The following HSPBAP1 variants were observed in gnomAD, a reference collection of about 807,000 sequenced individuals.
HSPBAP1 encodes HSPB1 associated protein 1, also known as HSPB1-associated protein 1.
In HSPBAP1, 27 loss-of-function variants were observed where a neutral mutation model predicts 45.2. That is an observed-to-expected ratio of 0.60 (90% CI 0.44 to 0.82). The LOEUF is 0.82. HSPBAP1 is among the 40% of genes least tolerant of loss of function. The probability of loss-of-function intolerance (pLI) is 0.00; values close to 1 mark genes in which losing one functional copy is unlikely to be tolerated. For synonymous variants in HSPBAP1, 204 were observed against 202.7 expected, an observed-to-expected ratio of 1.01 and a Z score of -0.06; for missense variants, 510 against 590.9, an observed-to-expected ratio of 0.86 and a Z score of 1.42.
intron 6 of HSPBAP1, among the ~76,000 whole-genome samples, chr3:122,748,329 T>C (rs1297767369): frequency 6.6e-6 from 1 of 151,124 alleles, no homozygotes; most frequent in Non-Finnish European, 1.5e-5. Flanking sequence ...ACTATTGTCC[T>C]ATGACCCTGC....
At chr3:122,776,778 C>T (rs1935205536) in intron 2 of HSPBAP1, among the ~76,000 whole-genome samples, 1 of 152,146 alleles carries the variant, frequency 6.6e-6, no homozygotes, top group African/African-American at 2.4e-5. Context: ...CTACACCTGT[C>T]ACAGGAGTAC....
intron 3 of HSPBAP1, 152 bp downstream of exon 3, chr3:122,768,549 C>T: frequency 1.7e-6 from 1 of 603,788 alleles, no homozygotes; most frequent in Non-Finnish European, 3.0e-6. Flanking sequence ...TTCTCTTCAG[C>T]AAATCTTTTG....
chr3:122,760,778 A>G (rs1455604570), intron 3 of HSPBAP1, among the ~76,000 whole-genome samples: 1 of 152,188 alleles, frequency 6.6e-6, no homozygotes, highest in African/African-American at 2.4e-5. Flanking sequence ...TACCTGGCTC[A>G]GGGTTACAGC....
chr3:122,761,491 C>T (rs1560131773), intron 3 of HSPBAP1: 1 of 152,178 alleles, frequency 6.6e-6, no homozygotes, highest in Non-Finnish European at 1.5e-5. Flanking sequence ...AACTGTCAGC[C>T]AGGTGCAGTG....
chr3:122,740,944 G>C, intron 7 of HSPBAP1, 59 bp downstream of exon 7: 1 of 1,606,664 alleles, frequency 6.2e-7, no homozygotes, highest in Non-Finnish European at 8.5e-7. Context: ...ATATGTTCTA[G>C]TCAGGGCTGG....
chr3:122,740,360 T>C lies in HSPBAP1; in HGVS notation c.1452A>G (p.Gln484=). The change falls in exon 8 of 8, where the codon CAA becomes CAG. Residue 484 remains glutamine (Q), a synonymous_variant. Transcript: ENST00000306103. ...TCCACTTGAATCATAAACTTCTTCCTTGTATCAAAAGTTGTGCCACTATCC... is the reference window on the plus strand; with the variant it reads ...TCCACTTGAATCATAAACTTCTTCCCTGTATCAAAAGTTGTGCCACTATCC... ...VTRIVAQLLI[Q]GRSL The C allele has an allele frequency of 6.2e-7, 1 of 1,600,810 alleles. No homozygotes were observed. Among genetic ancestry groups the C allele is most frequent in the Non-Finnish European group, 8.5e-7 (1 of 1,169,938 alleles).
At chr3:122,788,472 A>G (rs991604298) in intron 1 of HSPBAP1, among the ~76,000 whole-genome samples, 1 of 152,218 alleles carries the variant, frequency 6.6e-6, no homozygotes, top group African/African-American at 2.4e-5. Flanking sequence ...AGTATTCTAC[A>G]GTAAGGTCTT....
chr3:122,774,980 A>C (rs1935139163), intron 2 of HSPBAP1, among the ~76,000 whole-genome samples: 1 of 152,248 alleles, frequency 6.6e-6, no homozygotes, highest in African/African-American at 2.4e-5. Context: ...TGTTCACTAC[A>C]GTCTTTTTAA....
Position 122,759,311 on chromosome 3 carries a change from C to A in HSPBAP1, c.482G>T (p.Ser161Ile). Residue 161 changes from serine (S) to isoleucine (I), a missense_variant, in exon 4 of 8, where the codon AGT becomes ATT. Coordinates refer to ENST00000306103, the MANE Select transcript of HSPBAP1 (RefSeq NM_024610.6). ...TCCCAAGGAGCCAATCCACAATGTA[C>A]TTTCCTGTCCATTTCTTCCAGGAAA... ...FGFPGRNGQE[S>I]TLWIGSLGAH... is the part of the protein sequence containing the mutation. 1 of 1,613,954 alleles carries A rather than the reference C, an allele frequency of 6.2e-7. No individual in the cohort carries two copies. Among genetic ancestry groups the A allele is most frequent in the Non-Finnish European group, 8.5e-7 (1 of 1,179,866 alleles).
chr3:122,740,771 C>G lies in HSPBAP1; in HGVS notation c.1041G>C (p.Leu347=). Residue 347 remains leucine, a synonymous_variant, in exon 8 of 8, where the codon CTG becomes CTC. Transcript: ENST00000306103. The part of the protein sequence containing the change: ...RTSEVVEIQA[L]RTDGEHMKKE... Reference sequence around the variant, plus strand: ...TTTTCATGTGCTCTCCATCTGTTCTCAGTGCTTGGATTTCTACTACCTCAG... The same window carrying G: ...TTTTCATGTGCTCTCCATCTGTTCTGAGTGCTTGGATTTCTACTACCTCAG... 6.2e-7 allele frequency: 1 copy of G among 1,614,118 alleles called. No homozygotes were observed.
At chr3:122,778,780 T>C (rs1386244877) in intron 1 of HSPBAP1, among the ~76,000 whole-genome samples, 2 of 152,278 alleles carry the variant, frequency 1.3e-5, no homozygotes, top group Non-Finnish European at 2.9e-5. Flanking sequence ...TCCACCTGCC[T>C]TGGCCTCCCA....
At chr3:122,758,892 T>A (rs1934451566) in intron 4 of HSPBAP1, 1 of 269,400 alleles carries the variant, frequency 3.7e-6, no homozygotes. Context: ...TGTCTCTAAT[T>A]TACCAAAAAA....
intron 5 of HSPBAP1, 141 bp from the exon 6 acceptor site, chr3:122,752,815 G>C: frequency 7.2e-7 from 1 of 1,388,202 alleles, no homozygotes. Flanking sequence ...AGTAAAGTAA[G>C]AAAAAAAACC....
At chr3:122,760,860 A>C (rs1934556758) in intron 3 of HSPBAP1, among the ~76,000 whole-genome samples, 2 of 152,192 alleles carry the variant, frequency 1.3e-5, no homozygotes, top group African/African-American at 4.8e-5. Context: ...AGTTCAGGCC[A>C]ATGACATTTT....
At position 122,740,784 on chromosome 3, in the gene HSPBAP1, T is replaced by G; in HGVS notation, c.1028A>C (p.Glu343Ala). The change falls in exon 8 of 8, where the codon GAA (glutamate) becomes GCA (alanine). Residue 343 changes from glutamate to alanine, a missense_variant. Transcript: ENST00000306103. ...TCCATCTGTTCTCAGTGCTTGGATT[T>G]CTACTACCTCAGATGTTCTGCAGCG... ...FDRCRTSEVV[E>A]IQALRTDGEH... The G allele has an allele frequency of 1.2e-6, 2 of 1,614,128 alleles. No individual in the cohort carries two copies. The highest frequency in any genetic ancestry group is 2.2e-5 in the South Asian group (2 of 91,088).
At position 122,793,482 on chromosome 3, in the gene HSPBAP1, G is replaced by T. The variant is rs1935900663; in HGVS notation, c.64+135C>A. ...AATGCCACGCTCACTAGAAAATATA[G>T]ATTTTTCTTCATAGTCTAATGCAAG... is the stretch of plus-strand genomic sequence containing the variant. On this transcript the variant is annotated intron_variant, in intron 1 of 7. Transcript: ENST00000306103. The T allele has an allele frequency of 4.1e-5, 29 of 713,344 alleles. 1 individual carries two copies. In the South Asian group the frequency reaches 4.6e-4, roughly 11 times the overall value. 44.2% of individuals were successfully genotyped at this position (713,344 alleles called of 1,614,324 possible).
chr3:122,780,359 G>C, intron 1 of HSPBAP1, among the ~76,000 whole-genome samples: 1 of 115,742 alleles, frequency 8.6e-6, no homozygotes, highest in Admixed American at 8.6e-5. Context: ...CCTCCCGGAC[G>C]GGGCGGCTGA....
intron 4 of HSPBAP1, among the ~76,000 whole-genome samples, chr3:122,757,479 G>C (rs1934396594): frequency 6.6e-6 from 1 of 152,132 alleles, no homozygotes; most frequent in Non-Finnish European, 1.5e-5. Context: ...TTTACAACAG[G>C]AACATGATCT....
At chr3:122,748,031 G>C (rs1247530126) in intron 6 of HSPBAP1, among the ~76,000 whole-genome samples, 1 of 152,230 alleles carries the variant, frequency 6.6e-6, no homozygotes, top group East Asian at 1.9e-4. Context: ...ATTTTGTTCT[G>C]TACTAAGAAA....
Sources: gnomAD v4.1 joint callset for allele counts (sites outside exome capture counted in the v4.1 genomes callset) on GRCh38, gnomAD v4.1.1 for gene constraint, MANE v1.5 for transcripts, NCBI Gene and HGNC (gene_info 2026-07-23, HGNC 2026-07-21) for gene names.